Variants in ZMYM1 observed in about 807,000 individuals in gnomAD.
The protein encoded by ZMYM1 is zinc finger MYM-type containing 1, also known as zinc finger MYM-type protein 1.
In ZMYM1, 39 loss-of-function variants were observed where a neutral mutation model predicts 60.0. That is an observed-to-expected ratio of 0.65 (90% CI 0.50 to 0.85). The LOEUF is 0.85. Among genes scored for constraint, ZMYM1 ranks in the 40% least tolerant of loss-of-function variants. The pLI is 0.00. For missense variants in ZMYM1, 1,171 were observed against 1,309.5 expected, an observed-to-expected ratio of 0.89 and a Z score of 1.63; for synonymous variants, 413 against 454.0, an observed-to-expected ratio of 0.91 and a Z score of 1.15.
At position 35,070,808 on chromosome 1, in the gene ZMYM1, G is replaced by GT. The variant is rs113491625; in HGVS notation, c.-300-8174dup. Reference sequence around the variant, plus strand: ...ACCTTCTATGCCTAACTTCTTGAGGGTTTTTTTTTTTTAATCATGAAGCGA... The same window carrying GT: ...ACCTTCTATGCCTAACTTCTTGAGGGTTTTTTTTTTTTTAATCATGAAGCGA... On this transcript the variant is annotated intron_variant, in intron 1 of 10. Coordinates refer to the ZMYM1 transcript ENST00000417119. Among the ~76,000 whole-genome samples the GT allele has an allele frequency of 3.3e-3, 465 of 142,560 alleles. 4 individuals carry two copies. The highest frequency in any genetic ancestry group is 9.6e-3 in the African/African-American group (375 of 39,102). The allele number at this position is 142,560 out of a possible 152,430, so 93.5% of individuals were successfully genotyped here.
At chr1:35,116,688 C>T (rs920907571), downstream of ZMYM1, among the ~76,000 whole-genome samples, 4 of 151,976 alleles carry the variant, frequency 2.6e-5, no homozygotes, top group Admixed American at 1.3e-4. Context: ...GAACTCCTGA[C>T]GTCAGGTAAT....
At chr1:35,065,438 ATAGT>A (rs1363429275) in intron 1 of ZMYM1, among the ~76,000 whole-genome samples, 6 of 151,982 alleles carry the variant, frequency 3.9e-5, no homozygotes, top group African/African-American at 1.4e-4. Flanking sequence ...TACAGAAAAT[ATAGT>A]TAATTGACGT....
chr1:35,065,058 CA>C (rs113211347), intron 1 of ZMYM1, among the ~76,000 whole-genome samples: 2,977 of 152,038 alleles, frequency 0.02, 102 homozygotes, highest in African/African-American at 0.068. Flanking sequence ...TTTAATTGAA[CA>C]AAAAAATACA....
intron 7 of ZMYM1, 110 bp downstream of exon 7, chr1:35,110,557 T>C: frequency 1.1e-6 from 1 of 941,120 alleles, no homozygotes; most frequent in Non-Finnish European, 1.4e-6. Flanking sequence ...CTTTTAAAAG[T>C]CAAAACAATC....
intron 6 of ZMYM1, among the ~76,000 whole-genome samples, chr1:35,106,719 A>AT (rs1231773992): frequency 2.0e-5 from 3 of 151,978 alleles, no homozygotes; most frequent in Non-Finnish European, 4.4e-5. Flanking sequence ...TCTTGAGAGT[A>AT]TCCTGCCTTG....
At position 35,115,544 on chromosome 1, in the gene ZMYM1, AT is replaced by A. The variant is rs1266162550; in HGVS notation, c.*287del. 11 of 200,674 alleles carry A rather than the reference AT, an allele frequency of 5.5e-5. No individual in the cohort carries two copies. The South Asian group carries it at 9.4e-4, about 17-fold the overall frequency. 12.4% of individuals were successfully genotyped at this position (200,674 alleles called of 1,614,324 possible). ...ATGTCGTTACATGAAGAGTTTCTTG[AT>A]TCTTGGTCTATAATTGCAGATGTTA... On this transcript the variant is annotated 3_prime_UTR_variant, in exon 10 of 10. Coordinates refer to ENST00000359858, the MANE Select transcript of ZMYM1 (RefSeq NM_024772.5).
chr1:35,101,321 C>T (rs533781064), intron 4 of ZMYM1, among the ~76,000 whole-genome samples: 2 of 151,184 alleles, frequency 1.3e-5, no homozygotes, highest in Non-Finnish European at 2.9e-5. Flanking sequence ...GTTGGCCAGG[C>T]TGGTCTCCCA....
chr1:35,118,057 G>A (rs1245865329), downstream of ZMYM1, among the ~76,000 whole-genome samples: 1 of 151,844 alleles, frequency 6.6e-6, no homozygotes. Flanking sequence ...GGCCAACATG[G>A]TGAAACCCCA....
rs1386241359 is a variant in ZMYM1, at chr1:35,114,265, A to G, written c.2435A>G (p.His812Arg). 4 of 1,613,892 alleles carry G rather than the reference A, an allele frequency of 2.5e-6. No homozygotes were observed. The highest frequency in any genetic ancestry group is 1.7e-6 in the Non-Finnish European group (2 of 1,179,852). The change falls in exon 10 of 10, where the codon CAT becomes CGT. Residue 812 changes from histidine to arginine, a missense_variant. Physicochemically the swap from His to Arg is conservative, Grantham distance 29. Coordinates refer to ENST00000359858, the MANE Select transcript of ZMYM1 (RefSeq NM_024772.5). ...KHISQSCWTV[H>R]DRTLLSVIDS... ...ATATCACAATCATGTTGGACAGTCCATGATCGTACATTACTATCTGTGATT... is the reference window on the plus strand; with the variant it reads ...ATATCACAATCATGTTGGACAGTCCGTGATCGTACATTACTATCTGTGATT...
intron 2 of ZMYM1, among the ~76,000 whole-genome samples, chr1:35,094,453 T>G: frequency 6.6e-6 from 1 of 152,316 alleles, no homozygotes; most frequent in East Asian, 1.9e-4. Context: ...TAAATTAATT[T>G]ATGTAAATTA....
At chr1:35,105,587 C>G (rs1643870947) in intron 6 of ZMYM1, among the ~76,000 whole-genome samples, 1 of 152,240 alleles carries the variant, frequency 6.6e-6, no homozygotes, top group Non-Finnish European at 1.5e-5. Flanking sequence ...GCGTAAGCCA[C>G]TGTGCCCAGC....
chr1:35,069,242 C>A (rs979246812), intron 1 of ZMYM1, among the ~76,000 whole-genome samples: 1 of 152,152 alleles, frequency 6.6e-6, no homozygotes, highest in Non-Finnish European at 1.5e-5. Flanking sequence ...TTCTCCATAT[C>A]CTCATTGACA....
intron 1 of ZMYM1, among the ~76,000 whole-genome samples, chr1:35,085,784 C>T (rs2148496202): frequency 6.6e-6 from 1 of 152,338 alleles, no homozygotes; most frequent in African/African-American, 2.4e-5. Context: ...ACCCCTCATT[C>T]CCAGCCTAGT....
Position 35,114,119 on chromosome 1 carries a change from ACTCCGAAGTG to A in ZMYM1, c.2293_2302del (p.Arg765Ter). The A allele has an allele frequency of 6.2e-7, 1 of 1,612,458 alleles. No homozygotes were observed. The highest frequency in any genetic ancestry group is 1.7e-5 in the Admixed American group (1 of 59,646). On this transcript the variant is annotated frameshift_variant, in exon 10 of 10. Coordinates refer to ENST00000359858, the MANE Select transcript of ZMYM1 (RefSeq NM_024772.5). LOFTEE classifies it high-confidence loss of function. ...TTAGGTTTTGTAAAGAAGTAAAAGA[ACTCCGAAGTG>A]CTCTAAAAACTCTCAGTTCTTTGTT...
intron 1 of ZMYM1, among the ~76,000 whole-genome samples, chr1:35,061,518 T>C (rs1465325100): frequency 6.6e-6 from 1 of 152,096 alleles, no homozygotes; most frequent in East Asian, 1.9e-4. Flanking sequence ...GGCTCACGCC[T>C]GTAATCCTAG....
upstream of ZMYM1, among the ~76,000 whole-genome samples, chr1:35,075,009 C>T (rs1037501755): frequency 5.9e-5 from 9 of 151,878 alleles, no homozygotes; most frequent in African/African-American, 1.2e-4. Context: ...TACAGGCGCC[C>T]GTCACTGCGC....
At chr1:35,087,047 C>T (rs1309850108) in intron 1 of ZMYM1, among the ~76,000 whole-genome samples, 1 of 128,324 alleles carries the variant, frequency 7.8e-6, no homozygotes, top group African/African-American at 3.1e-5. Flanking sequence ...GGCTGGAGTG[C>T]AGTGGCACGA....
At chr1:35,089,710 C>T (rs1159922674) in intron 1 of ZMYM1, among the ~76,000 whole-genome samples, 2 of 146,178 alleles carry the variant, frequency 1.4e-5, no homozygotes, top group South Asian at 2.2e-4. Context: ...TAGTTATCAT[C>T]TGCCCTCCAT....
In ZMYM1 at chr1:35,113,485, A is replaced by G. The variant is rs780322103; in HGVS notation, c.1655A>G (p.Lys552Arg). The part of the protein sequence containing the change: ...IHSKQIEGNK[K>R]YLKLIIENIL... ...TCGAAACAGATTGAGGGAAATAAAA[A>G]GTACCTAAAGCTTATAATTGAAAAT... Residue 552 changes from lysine (K) to arginine (R), a missense_variant, in exon 10 of 10, where the codon AAG becomes AGG. Physicochemically the swap from Lys to Arg is conservative, Grantham distance 26. Coordinates refer to ENST00000359858, the MANE Select transcript of ZMYM1 (RefSeq NM_024772.5). 7 of 1,611,690 alleles carry G rather than the reference A, an allele frequency of 4.3e-6. No individual in the cohort carries two copies. In the African/African-American group the frequency reaches 8.0e-5, roughly 18 times the overall value.
Sources: allele counts gnomAD v4.1 joint callset (sites outside exome capture counted in the v4.1 genomes callset), GRCh38; gene constraint gnomAD v4.1.1; transcripts MANE v1.5; gene names NCBI Gene and HGNC (gene_info 2026-07-23, HGNC 2026-07-21).